Variants in GLCCI1 observed in about 807,000 individuals in gnomAD.
The protein encoded by GLCCI1 is glucocorticoid induced 1, also known as glucocorticoid-induced transcript 1 protein.
GLCCI1 carries 24 observed loss-of-function variants against 52.2 expected under a neutral mutation model. The observed-to-expected ratio is 0.46, with a 90% CI of 0.33 to 0.65. GLCCI1 has a LOEUF of 0.65. Among genes scored for constraint, GLCCI1 ranks in the 30% least tolerant of loss-of-function variants. GLCCI1 has a pLI of 0.02. For synonymous variants in GLCCI1, 310 were observed against 276.5 expected (o/e 1.12, Z -1.20); for missense variants, 704 against 701.5 (o/e 1.00, Z -0.04).
chr7:8,075,005 G>A (rs1782846588), intron 6 of GLCCI1, among the ~76,000 whole-genome samples: 1 of 152,100 alleles, frequency 6.6e-6, no homozygotes, highest in South Asian at 2.1e-4. Flanking sequence ...ATGTGCTGGT[G>A]AGCTGATTAT....
chr7:7,971,839 A>G (rs1562411218), intron 1 of GLCCI1, among the ~76,000 whole-genome samples: 1 of 152,246 alleles, frequency 6.6e-6, no homozygotes, highest in Non-Finnish European at 1.5e-5. Flanking sequence ...TGCAGCAGAC[A>G]GATTTGCAGT....
At chr7:8,052,109 AT>A (rs561763058) in intron 3 of GLCCI1, among the ~76,000 whole-genome samples, 28 of 148,658 alleles carry the variant, frequency 1.9e-4, no homozygotes, top group East Asian at 1.4e-3. Context: ...TTAGCATAAG[AT>A]TTTTTTTTTT....
intron 1 of GLCCI1, among the ~76,000 whole-genome samples, chr7:7,994,560 G>T (rs1169376238): frequency 1.3e-5 from 2 of 152,160 alleles, no homozygotes; most frequent in East Asian, 3.8e-4. Context: ...ATAACAACCT[G>T]CTCTTGTAAT....
At chr7:7,983,258 G>C (rs979515034) in intron 1 of GLCCI1, among the ~76,000 whole-genome samples, 3 of 152,072 alleles carry the variant, frequency 2.0e-5, no homozygotes, top group Non-Finnish European at 4.4e-5. Flanking sequence ...TTAGGAAATA[G>C]GGAGGTATAG....
intron 6 of GLCCI1, among the ~76,000 whole-genome samples, chr7:8,081,173 G>A (rs570881635): frequency 5.3e-5 from 8 of 152,166 alleles, no homozygotes; most frequent in Admixed American, 3.9e-4. Flanking sequence ...TGCTTCAGGT[G>A]CACGTGGGAG....
intron 3 of GLCCI1, among the ~76,000 whole-genome samples, chr7:8,033,922 G>A (rs182191894): frequency 5.9e-5 from 9 of 152,140 alleles, no homozygotes; most frequent in Admixed American, 4.6e-4. Context: ...AAGTGTGTAT[G>A]GAAATACAAA....
At chr7:8,044,589 T>A (rs1453899074) in intron 3 of GLCCI1, among the ~76,000 whole-genome samples, 1 of 152,180 alleles carries the variant, frequency 6.6e-6, no homozygotes, top group African/African-American at 2.4e-5. Flanking sequence ...CAGGCTGGTC[T>A]CAATCTCCTG....
intron 6 of GLCCI1, among the ~76,000 whole-genome samples, chr7:8,083,570 G>T (rs765262662): frequency 6.6e-5 from 10 of 152,120 alleles, no homozygotes; most frequent in African/African-American, 2.4e-4. Flanking sequence ...TCTCAAATCT[G>T]AATGGTATAT....
At chr7:8,002,173 AAAAT>A (rs1218558374) in intron 1 of GLCCI1, among the ~76,000 whole-genome samples, 3 of 152,180 alleles carry the variant, frequency 2.0e-5, no homozygotes, top group African/African-American at 7.2e-5. Context: ...AAATGTGCAA[AAAAT>A]AAAGAGAATT....
chr7:8,007,581 G>A (rs1299481571), intron 2 of GLCCI1, among the ~76,000 whole-genome samples: 4 of 152,046 alleles, frequency 2.6e-5, no homozygotes, highest in Non-Finnish European at 5.9e-5. Context: ...TTTTTATGGC[G>A]ACATCCGTTT....
chr7:7,972,248 A>G (rs1226388548), intron 1 of GLCCI1, among the ~76,000 whole-genome samples: 2 of 152,306 alleles, frequency 1.3e-5, no homozygotes, highest in African/African-American at 2.4e-5. Flanking sequence ...ACTATACTGC[A>G]TGAATGAAAA....
chr7:8,072,405 T>C (rs1319679490), intron 6 of GLCCI1, among the ~76,000 whole-genome samples: 3 of 152,164 alleles, frequency 2.0e-5, no homozygotes, highest in Non-Finnish European at 2.9e-5. Context: ...GTGGACCCCC[T>C]TCCTTCATTA....
chr7:8,068,699 A>G (rs1414034908), intron 5 of GLCCI1, among the ~76,000 whole-genome samples: 1 of 152,180 alleles, frequency 6.6e-6, no homozygotes, highest in Non-Finnish European at 1.5e-5. Context: ...GTGGGAGGAA[A>G]GAAGACGCTG....
At chr7:8,054,807 A>G (rs1782348484) in intron 3 of GLCCI1, among the ~76,000 whole-genome samples, 1 of 152,112 alleles carries the variant, frequency 6.6e-6, no homozygotes, top group Non-Finnish European at 1.5e-5. Flanking sequence ...GTCATATTAT[A>G]GTAATGACTT....
chr7:7,981,674 T>G (rs914985061), intron 1 of GLCCI1: 1 of 245,068 alleles, frequency 4.1e-6, no homozygotes, highest in Admixed American at 5.5e-5. Flanking sequence ...AATATACTTA[T>G]AGATGACAGA....
chr7:8,081,776 T>G (rs1398652786), intron 6 of GLCCI1, among the ~76,000 whole-genome samples: 1 of 152,206 alleles, frequency 6.6e-6, no homozygotes, highest in Non-Finnish European at 1.5e-5. Context: ...ATGGTAAATA[T>G]GGTACAGATG....
intron 3 of GLCCI1, among the ~76,000 whole-genome samples, chr7:8,026,746 G>C (rs1219390092): frequency 6.6e-6 from 1 of 152,248 alleles, no homozygotes; most frequent in Non-Finnish European, 1.5e-5. Flanking sequence ...ACCTTAGCCA[G>C]AGGAGAATCA....
intron 2 of GLCCI1, among the ~76,000 whole-genome samples, chr7:8,018,284 G>A (rs1163640908): frequency 6.6e-6 from 1 of 151,990 alleles, no homozygotes; most frequent in Non-Finnish European, 1.5e-5. Context: ...TTTGTTGATG[G>A]ATTTTTTTTA....
chr7:8,072,611 G>A (rs965184272), intron 6 of GLCCI1, among the ~76,000 whole-genome samples: 4 of 152,128 alleles, frequency 2.6e-5, no homozygotes, highest in Non-Finnish European at 5.9e-5. Flanking sequence ...TGTTTGTTTT[G>A]AAGGTAAATG....
Sources: gnomAD v4.1 joint callset for allele counts (sites outside exome capture counted in the v4.1 genomes callset) on GRCh38, gnomAD v4.1.1 for gene constraint, MANE v1.5 for transcripts, NCBI Gene and HGNC (gene_info 2026-07-23, HGNC 2026-07-21) for gene names.